Variants in PXYLP1 observed in about 807,000 individuals in gnomAD.
The protein encoded by PXYLP1 is acid phosphatase-like 2.
PXYLP1 carries 17 observed loss-of-function variants against 37.9 expected under a neutral mutation model. The observed-to-expected ratio is 0.45, with a 90% CI of 0.31 to 0.67. The LOEUF is 0.67. PXYLP1 is among the 30% of genes least tolerant of loss of function. PXYLP1 has a pLI of 0.07. For missense variants in PXYLP1, 511 were observed against 612.0 expected, an observed-to-expected ratio of 0.84 and a Z score of 1.74; for synonymous variants, 221 against 232.2, an observed-to-expected ratio of 0.95 and a Z score of 0.44.
At chr3:141,251,690 C>T (rs79885069) in intron 1 of PXYLP1, among the ~76,000 whole-genome samples, 1,803 of 152,326 alleles carry the variant, frequency 0.012, 17 homozygotes, top group Non-Finnish European at 0.02. Context: ...AGGCCAGCCT[C>T]CCTGAGCAGC....
intron 1 of PXYLP1, among the ~76,000 whole-genome samples, chr3:141,246,637 C>G (rs1940965413): frequency 6.6e-6 from 1 of 152,178 alleles, no homozygotes; most frequent in African/African-American, 2.4e-5. Context: ...TACATTCATT[C>G]ACTCTCTCAA....
At chr3:141,257,309 C>A (rs1383007427) in intron 1 of PXYLP1, among the ~76,000 whole-genome samples, 1 of 152,216 alleles carries the variant, frequency 6.6e-6, no homozygotes, top group Non-Finnish European at 1.5e-5. Flanking sequence ...AGGGTCTTCA[C>A]ATGGTGGTCT....
chr3:141,282,540 T>C (rs1941979412), intron 4 of PXYLP1, among the ~76,000 whole-genome samples: 9 of 151,972 alleles, frequency 5.9e-5, no homozygotes, highest in Admixed American at 5.9e-4. Context: ...ATTGTCTGCT[T>C]CCCCAGGCTA....
intron 1 of PXYLP1, among the ~76,000 whole-genome samples, chr3:141,239,597 G>A (rs1940747020): frequency 1.3e-5 from 2 of 152,240 alleles, no homozygotes; most frequent in South Asian, 4.1e-4. Flanking sequence ...GGTGTTTAAC[G>A]ACTCTACTTA....
chr3:141,264,782 C>T (rs1301767054), intron 2 of PXYLP1, among the ~76,000 whole-genome samples: 1 of 152,182 alleles, frequency 6.6e-6, no homozygotes, highest in Non-Finnish European at 1.5e-5. Context: ...CCTCTCTGTG[C>T]CTTGGTTTCC....
rs1942277576 is a variant in PXYLP1, at chr3:141,293,343, G to C, written c.*138G>C. The C allele has an allele frequency of 1.1e-6, 1 of 925,806 alleles. No individual in the cohort carries two copies. The highest frequency in any genetic ancestry group is 1.6e-6 in the Non-Finnish European group (1 of 633,590). The allele number at this position is 925,806 out of a possible 1,614,324, so 57.3% of individuals were successfully genotyped here. ...AATATTGTTTGTGGGAACCACAGAT[G>C]GTTGGGGTTGAACAGTAAGCACATT... On this transcript the variant is annotated 3_prime_UTR_variant, in exon 6 of 6. Transcript: ENST00000286353.
intron 1 of PXYLP1, among the ~76,000 whole-genome samples, chr3:141,247,830 G>A (rs1402720830): frequency 1.3e-5 from 2 of 152,154 alleles, no homozygotes; most frequent in African/African-American, 4.8e-5. Flanking sequence ...TCAGTTAGCT[G>A]CAGTTTGTGG....
chr3:141,262,665 G>T, intron 2 of PXYLP1: 2 of 1,530,704 alleles, frequency 1.3e-6, no homozygotes, highest in Non-Finnish European at 1.7e-6. Flanking sequence ...TTTATTCTTG[G>T]ATACGTTGGA....
chr3:141,280,233 A>G (rs555686442), intron 4 of PXYLP1, among the ~76,000 whole-genome samples: 2 of 152,292 alleles, frequency 1.3e-5, no homozygotes, highest in South Asian at 4.1e-4. Context: ...AGTGGGGAAG[A>G]CGTTATTTTG....
chr3:141,292,152 C>G lies in PXYLP1; in HGVS notation c.506-116C>G. On this transcript the variant is annotated intron_variant, in intron 5 of 5. Coordinates refer to ENST00000286353, the MANE Select transcript of PXYLP1 (RefSeq NM_001037172.3). The surrounding 1 kb of genome is among the most constrained non-coding windows in gnomAD (Gnocchi z 4.3). The stretch of plus-strand genomic sequence containing the variant: ...AACTTCCACACCATGGGGAAACAGG[C>G]TGGATGCCATTCTCTTGCCCTAAAA... 1.0e-6 allele frequency: 1 copy of G among 962,668 alleles called. No individual in the cohort carries two copies. Among genetic ancestry groups the G allele is most frequent in the Non-Finnish European group, 1.6e-6 (1 of 642,458 alleles). The allele number at this position is 962,668 out of a possible 1,614,324, so 59.6% of individuals were successfully genotyped here.
chr3:141,285,953 A>G (rs560052160), intron 4 of PXYLP1, among the ~76,000 whole-genome samples: 1 of 151,910 alleles, frequency 6.6e-6, no homozygotes, highest in Admixed American at 6.6e-5. Flanking sequence ...TTTTTAAAAG[A>G]TGGATTTTTT....
chr3:141,285,138 CT>C (rs1942040981), intron 4 of PXYLP1, among the ~76,000 whole-genome samples: 5 of 70,650 alleles, frequency 7.1e-5, no homozygotes, highest in South Asian at 6.0e-4. Context: ...TTTTCTTTTT[CT>C]TTTTCTTTTT....
chr3:141,254,863 G>A (rs531682503), intron 1 of PXYLP1, among the ~76,000 whole-genome samples: 16 of 152,262 alleles, frequency 1.1e-4, no homozygotes, highest in Non-Finnish European at 1.8e-4. Context: ...AAAGGTAATT[G>A]TACATTTTCT....
In PXYLP1 at chr3:141,279,392, C is replaced by G. The variant is rs201688568; in HGVS notation, c.253C>G (p.His85Asp). 40 of 1,613,984 alleles carry G rather than the reference C, an allele frequency of 2.5e-5. No individual in the cohort carries two copies. The highest frequency in any genetic ancestry group is 1.1e-5 in the Non-Finnish European group (13 of 1,179,890). ...CTCTCGCGCAGGTCATGCCCCGCAT[C>G]ATTTTAAGCTGGTCTCAGTGCATGT... ...ERSMEGHAPH[H>D]FKLVSVHVFI... Residue 85 changes from histidine to aspartate, a missense_variant, in exon 4 of 6, where the codon CAT becomes GAT. Coordinates refer to ENST00000286353, the MANE Select transcript of PXYLP1 (RefSeq NM_001037172.3).
At chr3:141,265,681 G>A (rs999988180) in intron 2 of PXYLP1, among the ~76,000 whole-genome samples, 20 of 152,194 alleles carry the variant, frequency 1.3e-4, no homozygotes, top group African/African-American at 4.1e-4. Flanking sequence ...CTCTACCATG[G>A]CACCCAGGAG....
chr3:141,253,433 C>G (rs1941190227), intron 1 of PXYLP1, among the ~76,000 whole-genome samples: 1 of 152,170 alleles, frequency 6.6e-6, no homozygotes, highest in Non-Finnish European at 1.5e-5. Flanking sequence ...CAATACCTCC[C>G]CACCACCTTT....
intron 2 of PXYLP1, 128 bp downstream of exon 2, chr3:141,260,382 C>T (rs1009654613): frequency 1.9e-6 from 2 of 1,068,570 alleles, no homozygotes; most frequent in Non-Finnish European, 1.3e-6. Flanking sequence ...ATTGTTGGCA[C>T]TCACAGTGGC....
intron 1 of PXYLP1, among the ~76,000 whole-genome samples, chr3:141,243,270 A>G (rs563771522): frequency 2.0e-5 from 3 of 152,210 alleles, no homozygotes; most frequent in Non-Finnish European, 4.4e-5. Context: ...TCCTGCTGCC[A>G]GCGCCATGAT....
chr3:141,233,370 C>T (rs545140880), intron 1 of PXYLP1, among the ~76,000 whole-genome samples: 1 of 147,704 alleles, frequency 6.8e-6, no homozygotes, highest in Non-Finnish European at 1.5e-5. Context: ...GAGGCTGAGA[C>T]AGGAGAATCG....
Sources: gnomAD v4.1 joint callset for allele counts (sites outside exome capture counted in the v4.1 genomes callset) on GRCh38, gnomAD v4.1.1 for gene constraint, Gnocchi (gnomAD v3.1) non-coding constraint, MANE v1.5 for transcripts, NCBI Gene and HGNC (gene_info 2026-07-23, HGNC 2026-07-21) for gene names.